SUDS3: variants seen among roughly 807,000 people sequenced by gnomAD.
SUDS3 encodes SIN3A corepressor complex component SDS3, also known as sin3 histone deacetylase corepressor complex component SDS3.
In SUDS3, 23 loss-of-function variants were observed where a neutral mutation model predicts 53.5. The ratio of observed to expected loss-of-function variants is 0.43; its 90% confidence interval spans 0.31 to 0.61. The LOEUF (loss-of-function observed/expected upper bound fraction) is 0.61. Among genes scored for constraint, SUDS3 ranks in the 20% least tolerant of loss-of-function variants. SUDS3 has a pLI of 0.10. For missense variants in SUDS3, 291 were observed against 405.9 expected, an observed-to-expected ratio of 0.72 and a Z score of 2.43; for synonymous variants, 150 against 148.5, an observed-to-expected ratio of 1.01 and a Z score of -0.08.
intron 6 of SUDS3, among the ~76,000 whole-genome samples, chr12:118,393,671 T>A (rs530405559): frequency 5.3e-5 from 8 of 151,788 alleles, no homozygotes; most frequent in East Asian, 3.9e-4. Flanking sequence ...TTTTTTTTTT[T>A]AAATTTAATT....
Position 118,414,538 on chromosome 12 carries a change from T to A in SUDS3, c.*105T>A. On this transcript the variant is annotated 3_prime_UTR_variant, in exon 12 of 12. Transcript: ENST00000543473. ...AAAATGTTAACTTACTGGGAATAGCTACTCAGCCTTGGAAATGGAGAGCAC... is the reference window on the plus strand; with the variant it reads ...AAAATGTTAACTTACTGGGAATAGCAACTCAGCCTTGGAAATGGAGAGCAC... 4.2e-6 allele frequency: 4 copies of A among 945,942 alleles called. No homozygotes were observed. Among genetic ancestry groups the A allele is most frequent in the Non-Finnish European group, 6.1e-6 (4 of 653,732 alleles). The allele number at this position is 945,942 out of a possible 1,614,324, so 58.6% of individuals were successfully genotyped here. A position where few individuals can be genotyped will look rare whatever the true frequency, so the allele number is the denominator to read the frequency against.
chr12:118,402,643 T>C (rs2046273242), intron 9 of SUDS3: 2 of 152,332 alleles, frequency 1.3e-5, no homozygotes, highest in South Asian at 2.1e-4. Flanking sequence ...AGTCTTCTTT[T>C]TCTAGGTAAT....
intron 6 of SUDS3, among the ~76,000 whole-genome samples, chr12:118,395,238 T>G (rs1310051415): frequency 8.2e-5 from 12 of 147,182 alleles, no homozygotes; most frequent in African/African-American, 3.1e-4. Flanking sequence ...TTTTTTTTTT[T>G]TTTTTAAGAC....
In SUDS3 at chr12:118,376,573, G is replaced by C. The variant is rs891366435; in HGVS notation, c.-119G>C. On this transcript the variant is annotated 5_prime_UTR_variant, in exon 1 of 12. Coordinates refer to ENST00000543473, the MANE Select transcript of SUDS3 (RefSeq NM_022491.3). ...GCTCGGCGGAGACGGGGAAGGGGTCGCCGTGGCTGCCGGTCCTCGAGTTGG... is the reference window on the plus strand; with the variant it reads ...GCTCGGCGGAGACGGGGAAGGGGTCCCCGTGGCTGCCGGTCCTCGAGTTGG... 1.6e-6 allele frequency: 2 copies of C among 1,212,700 alleles called. No homozygotes were observed. Among genetic ancestry groups the C allele is most frequent in the East Asian group, 6.4e-5 (2 of 31,124 alleles). The allele number at this position is 1,212,700 out of a possible 1,614,324, so 75.1% of individuals were successfully genotyped here. A position where few individuals can be genotyped will look rare whatever the true frequency, so the allele number is the denominator to read the frequency against.
intron 4 of SUDS3, 110 bp downstream of exon 4, chr12:118,386,295 C>G: frequency 2.3e-6 from 2 of 859,998 alleles, no homozygotes; most frequent in Non-Finnish European, 3.6e-6. Context: ...CCCAGATACT[C>G]TGTCAGGGAG....
chr12:118,387,145 C>G (rs1174063882), intron 4 of SUDS3, among the ~76,000 whole-genome samples: 3 of 152,178 alleles, frequency 2.0e-5, no homozygotes, highest in Non-Finnish European at 1.5e-5. Context: ...TGGGTGGGCG[C>G]TGAGAAAGTG....
At chr12:118,376,955 C>T in intron 1 of SUDS3, 122 bp downstream of exon 1, 1 of 1,230,602 alleles carries the variant, frequency 8.1e-7, no homozygotes, top group Non-Finnish European at 1.1e-6. Flanking sequence ...GAGGGGCCGC[C>T]GGGAGTTGCG....
At chr12:118,391,364 A>G in intron 6 of SUDS3, 82 bp downstream of exon 6, 3 of 1,483,166 alleles carry the variant, frequency 2.0e-6, no homozygotes, top group Middle Eastern at 3.7e-4. Context: ...TTTGTCTTAC[A>G]TTTCAAGAGC....
rs1469633435 is a variant in SUDS3 at position 118,416,388 on chromosome 12, C to T, written c.*1955C>T. 3 of 147,180 alleles carry T rather than the reference C, an allele frequency of 2.0e-5. No homozygotes were observed. The highest frequency in any genetic ancestry group is 7.6e-5 in the African/African-American group (3 of 39,718). The allele number at this position is 147,180 out of a possible 1,614,324, so 9.1% of individuals were successfully genotyped here. A position where few individuals can be genotyped will look rare whatever the true frequency, so the allele number is the denominator to read the frequency against. ...ACAAATTGCCTCTTTTTCTGGCCTTCTCTGTGGGACCTCTGCTTTTGTGAA... is the reference window on the plus strand; with the variant it reads ...ACAAATTGCCTCTTTTTCTGGCCTTTTCTGTGGGACCTCTGCTTTTGTGAA... On this transcript the variant is annotated 3_prime_UTR_variant, in exon 12 of 12. Transcript: ENST00000543473.
chr12:118,395,286 C>T (rs551630253), intron 6 of SUDS3, among the ~76,000 whole-genome samples: 1 of 140,514 alleles, frequency 7.1e-6, no homozygotes, highest in East Asian at 2.2e-4. Flanking sequence ...AGTGCAGTGG[C>T]GCGATCTCGG....
At position 118,415,328 on chromosome 12, in the gene SUDS3, G is replaced by C. The variant is rs1439893796; in HGVS notation, c.*895G>C. The C allele has an allele frequency of 6.6e-6, 1 of 152,150 alleles. No individual in the cohort carries two copies. The highest frequency in any genetic ancestry group is 2.4e-5 in the African/African-American group (1 of 41,410). The allele number at this position is 152,150 out of a possible 1,614,324, so 9.4% of individuals were successfully genotyped here. On this transcript the variant is annotated 3_prime_UTR_variant, in exon 12 of 12. Coordinates refer to ENST00000543473, the MANE Select transcript of SUDS3 (RefSeq NM_022491.3). Reference sequence around the variant, plus strand: ...TGAGATTGATAGTGCAATAATCAGTGATCTATAGACCCTCATGCACGATTC... The same window carrying C: ...TGAGATTGATAGTGCAATAATCAGTCATCTATAGACCCTCATGCACGATTC...
chr12:118,378,153 C>A (rs2046019519), intron 1 of SUDS3, among the ~76,000 whole-genome samples: 1 of 152,164 alleles, frequency 6.6e-6, no homozygotes, highest in Non-Finnish European at 1.5e-5. Flanking sequence ...ATTTTGTACA[C>A]ACCCCAGCCA....
chr12:118,402,665 G>A (rs1332130655), intron 9 of SUDS3: 1 of 152,232 alleles, frequency 6.6e-6, no homozygotes, highest in African/African-American at 2.4e-5. Flanking sequence ...TCTTCCTGGG[G>A]GCCACTGCGG....
intron 10 of SUDS3, among the ~76,000 whole-genome samples, chr12:118,409,802 A>G (rs1251970203): frequency 2.0e-5 from 3 of 152,102 alleles, no homozygotes; most frequent in Non-Finnish European, 4.4e-5. Flanking sequence ...GATACTTCCA[A>G]CTCTTGTAAT....
intron 2 of SUDS3, 122 bp from the exon 3 acceptor site, chr12:118,383,890 C>T (rs973859906): frequency 1.9e-5 from 16 of 820,624 alleles, no homozygotes; most frequent in Non-Finnish European, 2.9e-5. Flanking sequence ...TTACTTTCCT[C>T]TCTTCCCTGA....
chr12:118,398,275 C>T (rs1289983088), intron 6 of SUDS3, among the ~76,000 whole-genome samples: 3 of 152,158 alleles, frequency 2.0e-5, no homozygotes. Flanking sequence ...TAGATGAGGA[C>T]ACGTGAGACA....
chr12:118,409,335 T>C (rs1025407156), intron 10 of SUDS3, among the ~76,000 whole-genome samples: 4 of 151,910 alleles, frequency 2.6e-5, no homozygotes, highest in Non-Finnish European at 4.4e-5. Flanking sequence ...TTAGTAGAGA[T>C]GGGGTTTCAC....
intron 6 of SUDS3, among the ~76,000 whole-genome samples, chr12:118,391,889 C>G (rs1013389936): frequency 6.6e-6 from 1 of 152,138 alleles, no homozygotes; most frequent in Admixed American, 6.5e-5. Context: ...AACTAGTTTC[C>G]CATAAAGGTA....
intron 3 of SUDS3, among the ~76,000 whole-genome samples, chr12:118,385,802 C>T (rs1351878273): frequency 9.2e-5 from 14 of 152,142 alleles, no homozygotes; most frequent in Non-Finnish European, 1.2e-4. Flanking sequence ...TGAACCTTTT[C>T]CAGTAAAGGA....
Sources: allele counts gnomAD v4.1 joint callset (sites outside exome capture counted in the v4.1 genomes callset), GRCh38; gene constraint gnomAD v4.1.1; transcripts MANE v1.5; gene names NCBI Gene and HGNC (gene_info 2026-07-23, HGNC 2026-07-21).